The following DDR2 variants were observed in gnomAD, a reference collection of about 807,000 sequenced individuals.
DDR2 encodes the protein discoidin domain receptor tyrosine kinase 2.
Under a neutral mutation model 94.9 loss-of-function variants are expected in DDR2, and 27 were observed. That is an observed-to-expected ratio of 0.28 (90% CI 0.21 to 0.39). DDR2 has a LOEUF of 0.39. DDR2 is among the 10% of genes least tolerant of loss of function. DDR2 has a pLI of 1.00. For missense variants in DDR2, 783 were observed against 1,076.0 expected, an observed-to-expected ratio of 0.73 and a Z score of 3.81; for synonymous variants, 382 against 377.2, an observed-to-expected ratio of 1.01 and a Z score of -0.15.
At chr1:162,764,408 AAAAG>A (rs1407550005) in intron 9 of DDR2, among the ~76,000 whole-genome samples, 25 of 151,692 alleles carry the variant, frequency 1.6e-4, no homozygotes, top group African/African-American at 5.6e-4. Context: ...AAAAAAAAAA[AAAAG>A]AAATGTCCAA....
intron 2 of DDR2, among the ~76,000 whole-genome samples, chr1:162,669,925 A>G (rs1213020007): frequency 6.6e-6 from 1 of 152,246 alleles, no homozygotes; most frequent in Non-Finnish European, 1.5e-5. Flanking sequence ...TGCTAGCACA[A>G]AGTGAAGGGC....
rs547570206 is a variant in DDR2 at position 162,708,636 on chromosome 1, G to A, written c.-27-10401G>A. Among the ~76,000 whole-genome samples, 4 of 152,306 alleles carry A rather than the reference G, an allele frequency of 2.6e-5. No homozygotes were observed. In the South Asian group the frequency reaches 8.3e-4, roughly 32 times the overall value. On this transcript the variant is annotated intron_variant, in intron 2 of 17. Coordinates refer to ENST00000367921, the MANE Select transcript of DDR2 (RefSeq NM_006182.4). ...AGCCCAGGCTGATTTCTGCTCTGCTGGTTCATAGGAAACTGCTTGGGTCTT... is the reference window on the plus strand; with the variant it reads ...AGCCCAGGCTGATTTCTGCTCTGCTAGTTCATAGGAAACTGCTTGGGTCTT...
chr1:162,757,121 A>G (rs12401910), intron 7 of DDR2, among the ~76,000 whole-genome samples: 19,768 of 152,204 alleles, frequency 0.13, 1,671 homozygotes, highest in Admixed American at 0.24. Flanking sequence ...CTATAGTAGG[A>G]AAGCACAAAA....
chr1:162,754,926 T>C (rs1663385324), intron 5 of DDR2, 71 bp downstream of exon 5: 3 of 1,580,296 alleles, frequency 1.9e-6, no homozygotes, highest in Non-Finnish European at 2.6e-6. Flanking sequence ...AGAAGAAGGG[T>C]ACAGGTTTTC....
At chr1:162,742,457 CAG>C (rs966505025) in intron 3 of DDR2, among the ~76,000 whole-genome samples, 1 of 152,176 alleles carries the variant, frequency 6.6e-6, no homozygotes, top group Non-Finnish European at 1.5e-5. Context: ...AGGAGCCAGA[CAG>C]AGAGAGTGGG....
intron 2 of DDR2, among the ~76,000 whole-genome samples, chr1:162,667,087 A>G (rs1658619874): frequency 6.6e-6 from 1 of 151,912 alleles, no homozygotes; most frequent in Admixed American, 6.6e-5. Flanking sequence ...CTCCAAGTCA[A>G]TTATTTTTGA....
chr1:162,711,670 G>T (rs1341192372), intron 2 of DDR2, among the ~76,000 whole-genome samples: 2 of 152,166 alleles, frequency 1.3e-5, no homozygotes, highest in African/African-American at 2.4e-5. Flanking sequence ...TATCACTGGG[G>T]TGGAAATGAT....
chr1:162,673,644 A>C (rs1023855041), intron 2 of DDR2, among the ~76,000 whole-genome samples: 79 of 148,242 alleles, frequency 5.3e-4, no homozygotes, highest in African/African-American at 1.9e-3. Context: ...AGAGAGAGAG[A>C]GACAGCAAGA....
intron 9 of DDR2, 44 bp from the exon 10 acceptor site, chr1:162,765,957 G>C: frequency 6.3e-7 from 1 of 1,592,494 alleles, no homozygotes; most frequent in South Asian, 1.1e-5. Context: ...AACACTAGCT[G>C]TCTGTCTTCT....
At chr1:162,689,785 C>T (rs1659874906) in intron 2 of DDR2, among the ~76,000 whole-genome samples, 2 of 132,362 alleles carry the variant, frequency 1.5e-5, no homozygotes, top group South Asian at 4.9e-4. Context: ...AGGCAGATCA[C>T]TTGAGGCCAG....
At position 162,745,659 on chromosome 1, in the gene DDR2, T is replaced by C. The variant is rs549133106; in HGVS notation, c.83-7436T>C. On this transcript the variant is annotated intron_variant, in intron 3 of 17. Coordinates refer to ENST00000367921, the MANE Select transcript of DDR2 (RefSeq NM_006182.4). ...CTGTGTGGGTGACTTCCAGGCTCTCTATTCTGTCCTATTGGTCTATATGTC... is the reference window on the plus strand; with the variant it reads ...CTGTGTGGGTGACTTCCAGGCTCTCCATTCTGTCCTATTGGTCTATATGTC... 5.9e-5 allele frequency among the ~76,000 whole-genome samples: 9 copies of C among 152,278 alleles called. No homozygotes were observed. In the South Asian group the frequency reaches 1.9e-3, roughly 32 times the overall value.
At chr1:162,769,292 C>A (rs1211227268) in intron 11 of DDR2, among the ~76,000 whole-genome samples, 2 of 152,212 alleles carry the variant, frequency 1.3e-5, no homozygotes, top group Non-Finnish European at 2.9e-5. Context: ...GAATGACACC[C>A]AGTGTTTCTT....
intron 2 of DDR2, among the ~76,000 whole-genome samples, chr1:162,704,268 C>A (rs960199513): frequency 6.6e-6 from 1 of 152,156 alleles, no homozygotes; most frequent in Non-Finnish European, 1.5e-5. Context: ...CTGTTCCATT[C>A]CCCAATCACC....
intron 1 of DDR2, among the ~76,000 whole-genome samples, chr1:162,648,432 A>T (rs74896112): frequency 6.6e-6 from 1 of 152,018 alleles, no homozygotes; most frequent in Non-Finnish European, 1.5e-5. Context: ...CATTGCATAG[A>T]TGGGTTTTCT....
chr1:162,739,587 G>A (rs546967699), intron 3 of DDR2, among the ~76,000 whole-genome samples: 4 of 152,168 alleles, frequency 2.6e-5, no homozygotes, highest in African/African-American at 4.8e-5. Flanking sequence ...GATTACAGGC[G>A]TGAGCCACCA....
chr1:162,749,550 G>A (rs1414577873), intron 3 of DDR2, among the ~76,000 whole-genome samples: 1 of 152,180 alleles, frequency 6.6e-6, no homozygotes, highest in African/African-American at 2.4e-5. Flanking sequence ...GGACCAGATG[G>A]ATGCACAGCT....
intron 3 of DDR2, among the ~76,000 whole-genome samples, chr1:162,741,243 ATAGTATAATGTAATGTAATG>A (rs1257802640): frequency 1.9e-4 from 26 of 133,528 alleles, no homozygotes; most frequent in African/African-American, 6.6e-4. Context: ...ATAATATAAT[ATAGTATAATGTAATGTAATG>A]TAATATAATA....
intron 3 of DDR2, among the ~76,000 whole-genome samples, chr1:162,743,656 C>T (rs1252642219): frequency 1.3e-5 from 2 of 152,218 alleles, no homozygotes; most frequent in Non-Finnish European, 1.5e-5. Flanking sequence ...TGATAATACA[C>T]AAAAATCTTC....
chr1:162,750,700 C>T (rs571287659), intron 3 of DDR2, among the ~76,000 whole-genome samples: 9 of 152,242 alleles, frequency 5.9e-5, no homozygotes, highest in Non-Finnish European at 1.0e-4. Context: ...CAATCCTAAG[C>T]CAAAAGAACA....
Sources: gnomAD v4.1 joint callset for allele counts (sites outside exome capture counted in the v4.1 genomes callset) on GRCh38, gnomAD v4.1.1 for gene constraint, MANE v1.5 for transcripts, NCBI Gene and HGNC (gene_info 2026-07-23, HGNC 2026-07-21) for gene names.